Variants in DSCAML1 observed in about 807,000 individuals in gnomAD.
The protein encoded by DSCAML1 is cell adhesion molecule DSCAML1.
DSCAML1 carries 38 observed loss-of-function variants against 200.5 expected under a neutral mutation model. The ratio of observed to expected loss-of-function variants is 0.19; its 90% CI spans 0.15 to 0.25. DSCAML1 has a LOEUF of 0.25. DSCAML1 is among the 10% of genes least tolerant of loss of function. The pLI is 1.00. For missense variants in DSCAML1, 2,223 were observed against 2,858.8 expected (o/e 0.78, Z 5.07); for synonymous variants, 1,215 against 1,165.0 (o/e 1.04, Z -0.87).
intron 3 of DSCAML1, among the ~76,000 whole-genome samples, chr11:117,588,520 T>G (rs2051195477): frequency 6.6e-6 from 1 of 151,922 alleles, no homozygotes; most frequent in Non-Finnish European, 1.5e-5. Flanking sequence ...CATTGAGGGG[T>G]GTGAAGCGTT....
rs1324508395 is a variant in DSCAML1, at chr11:117,465,191, A to C, written c.3025-9T>G. 1 of 1,220,326 alleles carries C rather than the reference A, an allele frequency of 8.2e-7. No homozygotes were observed. The highest frequency in any genetic ancestry group is 1.2e-5 in the South Asian group (1 of 83,066). The allele number at this position is 1,220,326 out of a possible 1,614,324, so 75.6% of individuals were successfully genotyped here. A position where few individuals can be genotyped will look rare whatever the true frequency, so the allele number is the denominator to read the frequency against. The stretch of plus-strand genomic sequence containing the variant: ...AGCTCCTTCTTGGGTGCCTGTGAGC[A>C]TGGGGTGGGGGTGGGCACAAAGAAA... On this transcript the variant is annotated splice_polypyrimidine_tract_variant and intron_variant, in intron 16 of 32. Transcript: ENST00000651296.
intron 3 of DSCAML1, among the ~76,000 whole-genome samples, chr11:117,664,114 G>C (rs1188278063): frequency 6.6e-6 from 1 of 152,228 alleles, no homozygotes; most frequent in Non-Finnish European, 1.5e-5. Flanking sequence ...TGCTGGGAGA[G>C]GAGGCCAGGG....
At chr11:117,433,949 T>C (rs75930319) in intron 27 of DSCAML1, among the ~76,000 whole-genome samples, 2,572 of 152,298 alleles carry the variant, frequency 0.017, 70 homozygotes, top group African/African-American at 0.059. Context: ...CTCTGGGGCC[T>C]CTGTCCCCAA....
intron 3 of DSCAML1, among the ~76,000 whole-genome samples, chr11:117,680,935 C>G (rs1325185948): frequency 1.3e-5 from 2 of 152,164 alleles, no homozygotes; most frequent in Non-Finnish European, 2.9e-5. Flanking sequence ...CGAGGTGAAG[C>G]CCAAGGGTGG....
chr11:117,455,937 T>C (rs2137130995), intron 19 of DSCAML1, among the ~76,000 whole-genome samples: 1 of 152,338 alleles, frequency 6.6e-6, no homozygotes, highest in South Asian at 2.1e-4. Flanking sequence ...GGTATCTGTG[T>C]TCCTCCACAC....
intron 3 of DSCAML1, among the ~76,000 whole-genome samples, chr11:117,619,619 T>TCCAAA (rs2051885669): frequency 6.6e-6 from 1 of 152,250 alleles, no homozygotes; most frequent in African/African-American, 2.4e-5. Flanking sequence ...GATAACATAT[T>TCCAAA]TTGATTCCAA....
At chr11:117,651,604 C>T (rs985505191) in intron 3 of DSCAML1, among the ~76,000 whole-genome samples, 43 of 144,898 alleles carry the variant, frequency 3.0e-4, no homozygotes, top group Middle Eastern at 3.9e-3. Flanking sequence ...CCCAGCTACT[C>T]GGGAGGCTGA....
intron 1 of DSCAML1, among the ~76,000 whole-genome samples, chr11:117,791,817 G>A (rs762740633): frequency 1.4e-4 from 22 of 152,228 alleles, no homozygotes; most frequent in Non-Finnish European, 1.5e-4. Flanking sequence ...TGGAGAGGGG[G>A]CAGGGAGAGG....
Position 117,474,080 on chromosome 11 carries a change from G to C in DSCAML1, c.2786-2044C>G, listed in dbSNP as rs910831688. On this transcript the variant is annotated intron_variant, in intron 14 of 32. Coordinates refer to ENST00000651296, the MANE Select transcript of DSCAML1 (RefSeq NM_020693.4). ...ACTGGGGCGGTGTGTCTGGAGAAGAGGCACTAATATTTACCAAGCACCTGC... is the reference window on the plus strand; with the variant it reads ...ACTGGGGCGGTGTGTCTGGAGAAGACGCACTAATATTTACCAAGCACCTGC... 3.3e-5 allele frequency among the ~76,000 whole-genome samples: 5 copies of C among 152,148 alleles called. No homozygotes were observed. In the East Asian group the frequency reaches 7.7e-4, roughly 23 times the overall value.
At chr11:117,682,049 A>G (rs1324524731) in intron 3 of DSCAML1, among the ~76,000 whole-genome samples, 1 of 152,172 alleles carries the variant, frequency 6.6e-6, no homozygotes, top group East Asian at 1.9e-4. Flanking sequence ...TCTCGATGAC[A>G]GTAAGACCCT....
intron 3 of DSCAML1, among the ~76,000 whole-genome samples, chr11:117,576,668 G>A (rs1473005366): frequency 1.3e-5 from 2 of 152,038 alleles, no homozygotes; most frequent in African/African-American, 4.8e-5. Flanking sequence ...ATACAACAGA[G>A]TCAAGGCTGA....
chr11:117,732,216 T>C (rs1055215145), intron 3 of DSCAML1, among the ~76,000 whole-genome samples: 2 of 152,220 alleles, frequency 1.3e-5, no homozygotes, highest in African/African-American at 4.8e-5. Flanking sequence ...TTTGCATATA[T>C]TCCATTCTTG....
chr11:117,609,044 C>T (rs1243736), intron 3 of DSCAML1, among the ~76,000 whole-genome samples: 1 of 101,914 alleles, frequency 9.8e-6, no homozygotes, highest in Non-Finnish European at 2.2e-5. Context: ...ACAAAAAAAA[C>T]AAAAATTGTC....
intron 24 of DSCAML1, among the ~76,000 whole-genome samples, 184 bp from the exon 25 acceptor site, chr11:117,438,267 T>C (rs60567178): frequency 0.54 from 81,727 of 151,798 alleles, 23,634 homozygotes; most frequent in East Asian, 0.87. Flanking sequence ...CAACTCTCTA[T>C]GTTAAACCAA....
At chr11:117,678,103 A>G (rs2053248604) in intron 3 of DSCAML1, among the ~76,000 whole-genome samples, 1 of 152,212 alleles carries the variant, frequency 6.6e-6, no homozygotes. Flanking sequence ...CTTCCATGAG[A>G]GAGAGGGCGG....
intron 3 of DSCAML1, among the ~76,000 whole-genome samples, chr11:117,649,545 G>A (rs1345470725): frequency 6.6e-6 from 1 of 152,152 alleles, no homozygotes; most frequent in African/African-American, 2.4e-5. Context: ...GTGGTCACCA[G>A]GGCTTGGCTC....
rs145162281 is a variant in DSCAML1, at chr11:117,431,738, C to G, written c.5180-10G>C. On this transcript the variant is annotated splice_polypyrimidine_tract_variant and intron_variant, in intron 30 of 32. Coordinates refer to ENST00000651296, the MANE Select transcript of DSCAML1 (RefSeq NM_020693.4). ...TTCCTGGACACTGGATCTGCACAGACAGAAGCAAGAAATTGCATCCTCCAA... is the reference window on the plus strand; with the variant it reads ...TTCCTGGACACTGGATCTGCACAGAGAGAAGCAAGAAATTGCATCCTCCAA... The G allele has an allele frequency of 1.3e-6, 2 of 1,520,250 alleles. No homozygotes were observed. Among genetic ancestry groups the G allele is most frequent in the Non-Finnish European group, 1.8e-6 (2 of 1,126,560 alleles). The allele number at this position is 1,520,250 out of a possible 1,614,324, so 94.2% of individuals were successfully genotyped here. A position where few individuals can be genotyped will look rare whatever the true frequency, so the allele number is the denominator to read the frequency against.
In DSCAML1 at chr11:117,776,942, A is replaced by G; in HGVS notation, c.365-5T>C. 2 of 1,613,620 alleles carry G rather than the reference A, an allele frequency of 1.2e-6. No individual in the cohort carries two copies. Among genetic ancestry groups the G allele is most frequent in the Non-Finnish European group, 1.7e-6 (2 of 1,179,976 alleles). On this transcript the variant is annotated splice_region_variant and splice_polypyrimidine_tract_variant and intron_variant, in intron 2 of 32. Coordinates refer to ENST00000651296, the MANE Select transcript of DSCAML1 (RefSeq NM_020693.4). ...CGGTGTAGGGTTCCCTGAAAACTGCAGAGAGATTGGCAGTGGGGAAGAGAA... is the reference window on the plus strand; with the variant it reads ...CGGTGTAGGGTTCCCTGAAAACTGCGGAGAGATTGGCAGTGGGGAAGAGAA...
chr11:117,662,198 G>A (rs1397820260), intron 3 of DSCAML1, among the ~76,000 whole-genome samples: 3 of 152,232 alleles, frequency 2.0e-5, no homozygotes, highest in Non-Finnish European at 4.4e-5. Context: ...CCAGGGGCAA[G>A]TGCCATGTTT....
Sources: gnomAD v4.1 joint callset for allele counts (sites outside exome capture counted in the v4.1 genomes callset) on GRCh38, gnomAD v4.1.1 for gene constraint, MANE v1.5 for transcripts, NCBI Gene and HGNC (gene_info 2026-07-23, HGNC 2026-07-21) for gene names.